RBM20: variants seen among roughly 807,000 people sequenced by gnomAD.
RBM20 encodes RNA binding motif protein 20, also known as RNA-binding protein 20.
Under a neutral mutation model 110.1 loss-of-function variants are expected in RBM20, and 51 were observed. That is an observed-to-expected ratio of 0.46 (90% CI 0.37 to 0.59). The LOEUF (loss-of-function observed/expected upper bound fraction) is 0.59. Ranked by LOEUF, RBM20 falls within the 20% of genes least tolerant of loss-of-function variation. The pLI is 0.00. For synonymous variants in RBM20, 589 were observed against 618.2 expected (o/e 0.95, Z 0.70); for missense variants, 1,512 against 1,574.9 (o/e 0.96, Z 0.68).
chr10:110,687,405 T>C (rs1321066659), intron 1 of RBM20, among the ~76,000 whole-genome samples: 2 of 152,330 alleles, frequency 1.3e-5, no homozygotes, highest in African/African-American at 4.8e-5. Flanking sequence ...GTATTTATGG[T>C]CATTGATGAT....
intron 1 of RBM20, among the ~76,000 whole-genome samples, chr10:110,671,656 C>T (rs1862260101): frequency 6.6e-6 from 1 of 151,846 alleles, no homozygotes; most frequent in Non-Finnish European, 1.5e-5. Flanking sequence ...ATGCATTGTG[C>T]GCTCGTGAAA....
chr10:110,753,254 C>T (rs1843881845), intron 1 of RBM20, among the ~76,000 whole-genome samples: 1 of 135,188 alleles, frequency 7.4e-6, no homozygotes, highest in African/African-American at 2.5e-5. Context: ...TTTATACTGA[C>T]AGTCTAAAGT....
rs779560763 is a variant in RBM20 at position 110,670,932 on chromosome 10, A to G, written c.191+26287A>G. ...AGTATCACACATGGTTTTACATTCT[A>G]TTTTCCTGTTAACATTATGATGTAA... On this transcript the variant is annotated intron_variant, in intron 1 of 13. Coordinates refer to ENST00000369519, the MANE Select transcript of RBM20 (RefSeq NM_001134363.3). 2.4e-4 allele frequency among the ~76,000 whole-genome samples: 37 copies of G among 152,138 alleles called. 1 individual carries two copies. The highest frequency in any genetic ancestry group is 4.3e-4 in the Non-Finnish European group (29 of 68,012).
intron 7 of RBM20, among the ~76,000 whole-genome samples, chr10:110,802,680 G>A (rs571624298): frequency 1.3e-5 from 2 of 152,342 alleles, no homozygotes; most frequent in South Asian, 2.1e-4. Context: ...GGTTAAAGAG[G>A]TCAGATGGTC....
intron 1 of RBM20, among the ~76,000 whole-genome samples, chr10:110,708,148 T>C (rs1417656277): frequency 6.6e-6 from 1 of 152,182 alleles, no homozygotes; most frequent in Non-Finnish European, 1.5e-5. Flanking sequence ...TAGGGCCCCA[T>C]GCTTAAAGGG....
intron 1 of RBM20, among the ~76,000 whole-genome samples, chr10:110,678,699 C>A (rs183970496): frequency 1.3e-5 from 2 of 152,270 alleles, no homozygotes; most frequent in Non-Finnish European, 2.9e-5. Context: ...AGCCTGATGA[C>A]CTTGAAAGAT....
At position 110,737,177 on chromosome 10, in the gene RBM20, C is replaced by CAAAAAAAAAAAA. The variant is rs550138775; in HGVS notation, c.192-43615_192-43604dup. Among the ~76,000 whole-genome samples the CAAAAAAAAAAAA allele has an allele frequency of 1.3e-3, 34 of 26,610 alleles. 7 individuals carry two copies. The highest frequency in any genetic ancestry group is 4.7e-3 in the African/African-American group (26 of 5,574). 17.5% of individuals were successfully genotyped at this position (26,610 alleles called of 152,430 possible). ...GGGCAAGAAGAGTGAAACTCTGCCT[C>CAAAAAAAAAAAA]AAAAAAAAAAAAAAAAAAAACACCC... is the stretch of plus-strand genomic sequence containing the variant. On this transcript the variant is annotated intron_variant, in intron 1 of 13. Coordinates refer to ENST00000369519, the MANE Select transcript of RBM20 (RefSeq NM_001134363.3).
chr10:110,655,463 T>C (rs1862008875), intron 1 of RBM20, among the ~76,000 whole-genome samples: 1 of 152,156 alleles, frequency 6.6e-6, no homozygotes, highest in African/African-American at 2.4e-5. Flanking sequence ...TATAATCCTC[T>C]CAGCATGTGC....
At chr10:110,833,157 G>C (rs572859626) in intron 13 of RBM20, among the ~76,000 whole-genome samples, 1 of 151,904 alleles carries the variant, frequency 6.6e-6, no homozygotes, top group Non-Finnish European at 1.5e-5. Context: ...TTGGGAGACC[G>C]AGGCGGGTGG....
chr10:110,749,354 A>G (rs1843824344), intron 1 of RBM20, among the ~76,000 whole-genome samples: 1 of 152,232 alleles, frequency 6.6e-6, no homozygotes, highest in Non-Finnish European at 1.5e-5. Flanking sequence ...ACAGTAACCT[A>G]TAGGAAATGT....
intron 1 of RBM20, among the ~76,000 whole-genome samples, chr10:110,647,220 T>C (rs1861881732): frequency 1.3e-5 from 2 of 152,242 alleles, no homozygotes; most frequent in South Asian, 4.1e-4. Flanking sequence ...AACTGCCGTA[T>C]ACTACATTTA....
At chr10:110,806,490 C>T (rs1844697009) in intron 7 of RBM20, among the ~76,000 whole-genome samples, 1 of 152,054 alleles carries the variant, frequency 6.6e-6, no homozygotes, top group Non-Finnish European at 1.5e-5. Context: ...AGCCAGATCT[C>T]GTGAGAACTC....
chr10:110,739,619 G>T lies in RBM20; in HGVS notation c.192-41182G>T, dbSNP rs1456943073. ...AACTCAACTCGAGGACTGACGTGGTGGTGGAAGGCAGAGTGGCAGGGGAAA... is the reference window on the plus strand; with the variant it reads ...AACTCAACTCGAGGACTGACGTGGTTGTGGAAGGCAGAGTGGCAGGGGAAA... On this transcript the variant is annotated intron_variant, in intron 1 of 13. Transcript: ENST00000369519. This position sits in a 1 kb window ranked among gnomAD's most constrained non-coding sequence, Gnocchi z 4.1. 6.6e-6 allele frequency among the ~76,000 whole-genome samples: 1 copy of T among 152,218 alleles called. No homozygotes were observed. Among genetic ancestry groups the T allele is most frequent in the African/African-American group, 2.4e-5 (1 of 41,450 alleles).
intron 1 of RBM20, among the ~76,000 whole-genome samples, chr10:110,680,459 G>T (rs1188957220): frequency 6.6e-6 from 1 of 152,162 alleles, no homozygotes; most frequent in Admixed American, 6.5e-5. Flanking sequence ...GAGGAGCTCG[G>T]TCAGCTAAAA....
chr10:110,666,048 G>A (rs373016211), intron 1 of RBM20, among the ~76,000 whole-genome samples: 3 of 136,388 alleles, frequency 2.2e-5, no homozygotes, highest in African/African-American at 7.5e-5. Context: ...AAGAAAGAAA[G>A]CAGTTATACT....
chr10:110,673,506 A>C (rs1477972030), intron 1 of RBM20, among the ~76,000 whole-genome samples: 1 of 152,228 alleles, frequency 6.6e-6, no homozygotes, highest in Non-Finnish European at 1.5e-5. Context: ...CACCATGCCC[A>C]GCATCCAAAT....
intron 5 of RBM20, among the ~76,000 whole-genome samples, chr10:110,790,438 C>T (rs1844470046): frequency 6.6e-6 from 1 of 152,182 alleles, no homozygotes; most frequent in African/African-American, 2.4e-5. Flanking sequence ...GTTCTTTTTA[C>T]AAATCTTACT....
At chr10:110,721,365 C>G (rs963154529) in intron 1 of RBM20, among the ~76,000 whole-genome samples, 8 of 152,102 alleles carry the variant, frequency 5.3e-5, no homozygotes, top group Non-Finnish European at 8.8e-5. Flanking sequence ...CTAATGAGGG[C>G]CCAGCCTGCT....
At chr10:110,674,084 A>G (rs542951818) in intron 1 of RBM20, among the ~76,000 whole-genome samples, 2 of 152,176 alleles carry the variant, frequency 1.3e-5, no homozygotes, top group East Asian at 1.9e-4. Context: ...GCCTGAAGAG[A>G]GACGATATCT....
Sources: gnomAD v4.1 joint callset for allele counts (sites outside exome capture counted in the v4.1 genomes callset) on GRCh38, gnomAD v4.1.1 for gene constraint, Gnocchi (gnomAD v3.1) non-coding constraint, MANE v1.5 for transcripts, NCBI Gene and HGNC (gene_info 2026-07-23, HGNC 2026-07-21) for gene names.